ADCY2: variants seen among roughly 807,000 people sequenced by gnomAD.
The protein encoded by ADCY2 is adenylate cyclase 2, also known as adenylate cyclase type 2.
A neutral mutation model predicts 125.2 loss-of-function variants in ADCY2; 31 were observed. The ratio of observed to expected loss-of-function variants is 0.25; its 90% confidence interval spans 0.19 to 0.33. The LOEUF (loss-of-function observed/expected upper bound fraction) is 0.33. ADCY2 is among the 10% of genes least tolerant of loss of function. The pLI is 1.00. For missense variants in ADCY2, 904 were observed against 1,418.2 expected, an observed-to-expected ratio of 0.64 and a Z score of 5.82; for synonymous variants, 512 against 548.4, an observed-to-expected ratio of 0.93 and a Z score of 0.93.
At chr5:7,673,279 TATATATAA>T (rs1265772827) in intron 4 of ADCY2, among the ~76,000 whole-genome samples, 3 of 79,260 alleles carry the variant, frequency 3.8e-5, no homozygotes, top group East Asian at 5.8e-4. Flanking sequence ...AATATATATA[TATATATAA>T]AATTAGCCAG....
chr5:7,719,617 G>T (rs949102658), intron 12 of ADCY2, among the ~76,000 whole-genome samples: 1 of 152,142 alleles, frequency 6.6e-6, no homozygotes, highest in Admixed American at 6.5e-5. Flanking sequence ...GTTAAAAGAC[G>T]ACTGATGTCA....
intron 11 of ADCY2, among the ~76,000 whole-genome samples, chr5:7,713,270 C>T (rs1342356168): frequency 2.6e-5 from 4 of 151,950 alleles, no homozygotes; most frequent in Non-Finnish European, 5.9e-5. Flanking sequence ...GCGGGTGGAT[C>T]ACTTGAGATC....
At chr5:7,460,076 G>A (rs1413323794) in intron 2 of ADCY2, among the ~76,000 whole-genome samples, 2 of 151,824 alleles carry the variant, frequency 1.3e-5, no homozygotes, top group Non-Finnish European at 2.9e-5. Flanking sequence ...GTGAGCCACG[G>A]TGCCCAGCTG....
Position 7,789,536 on chromosome 5 carries a change from C to A in ADCY2, c.2470-106C>A, listed in dbSNP as rs922437171. ...AGGGTGGAAGTTCTGTTTGGGGGTT[C>A]TTTTTTCGGTTTCATTTTGTTCTTT... On this transcript the variant is annotated intron_variant, in intron 19 of 24. Transcript: ENST00000338316. 14 of 1,184,558 alleles carry A rather than the reference C, an allele frequency of 1.2e-5. No homozygotes were observed. In the African/African-American group the frequency reaches 1.9e-4, roughly 16 times the overall value. 73.4% of individuals were successfully genotyped at this position (1,184,558 alleles called of 1,614,324 possible). A position where few individuals can be genotyped will look rare whatever the true frequency, so the allele number is the denominator to read the frequency against.
At chr5:7,535,250 C>T (rs534409152) in intron 3 of ADCY2, among the ~76,000 whole-genome samples, 57 of 152,296 alleles carry the variant, frequency 3.7e-4, no homozygotes, top group African/African-American at 1.3e-3. Context: ...ACCATGTTGG[C>T]CAGGCTGGTC....
intron 1 of ADCY2, among the ~76,000 whole-genome samples, chr5:7,411,671 G>GA (rs941389366): frequency 2.0e-5 from 3 of 151,926 alleles, no homozygotes; most frequent in African/African-American, 7.3e-5. Context: ...AAAAGAGAGA[G>GA]AAAAAATAGA....
chr5:7,619,708 G>A (rs1043126034), intron 3 of ADCY2, among the ~76,000 whole-genome samples: 2 of 152,216 alleles, frequency 1.3e-5, no homozygotes, highest in African/African-American at 4.8e-5. Flanking sequence ...AGAATGAACA[G>A]AAGAGTAAAC....
At chr5:7,615,444 G>A (rs374889985) in intron 3 of ADCY2, among the ~76,000 whole-genome samples, 6 of 152,152 alleles carry the variant, frequency 3.9e-5, no homozygotes, top group African/African-American at 1.4e-4. Context: ...GGACTCATGG[G>A]GTATGTTAGA....
intron 3 of ADCY2, among the ~76,000 whole-genome samples, chr5:7,594,137 T>C (rs1253358447): frequency 1.3e-5 from 2 of 152,188 alleles, no homozygotes; most frequent in African/African-American, 4.8e-5. Flanking sequence ...TTTCATCCAA[T>C]CTGGCACTGG....
At chr5:7,529,271 A>G (rs1034981300) in intron 3 of ADCY2, among the ~76,000 whole-genome samples, 2 of 152,234 alleles carry the variant, frequency 1.3e-5, no homozygotes, top group African/African-American at 4.8e-5. Flanking sequence ...TAAGTGGGCC[A>G]GGTGCATAGT....
At chr5:7,512,210 G>A (rs772730214) in intron 2 of ADCY2, among the ~76,000 whole-genome samples, 12 of 32,870 alleles carry the variant, frequency 3.7e-4, no homozygotes, top group Admixed American at 9.1e-4. Flanking sequence ...AGTAGAGCAT[G>A]ACTCCATCAA....
At chr5:7,500,715 A>G (rs1743529318) in intron 2 of ADCY2, among the ~76,000 whole-genome samples, 1 of 152,214 alleles carries the variant, frequency 6.6e-6, no homozygotes, top group South Asian at 2.1e-4. Flanking sequence ...GATGATCCGG[A>G]AACATGAGGA....
intron 2 of ADCY2, among the ~76,000 whole-genome samples, chr5:7,454,057 TAAC>T (rs1034240283): frequency 2.3e-4 from 35 of 152,152 alleles, no homozygotes; most frequent in African/African-American, 8.2e-4. Context: ...GCGAGACAGT[TAAC>T]AACTGCCTGA....
chr5:7,718,318 T>G (rs1247119076), intron 12 of ADCY2, among the ~76,000 whole-genome samples: 8 of 151,704 alleles, frequency 5.3e-5, no homozygotes, highest in African/African-American at 1.9e-4. Context: ...CTAGCTAATT[T>G]TTTGTATTTT....
intron 2 of ADCY2, among the ~76,000 whole-genome samples, chr5:7,503,215 A>T (rs1743661547): frequency 1.3e-5 from 2 of 152,142 alleles, no homozygotes; most frequent in South Asian, 4.1e-4. Context: ...CTTGATTTCC[A>T]TGAATTCATG....
Position 7,557,201 on chromosome 5 carries a change from A to ATATATATATATATATATATG in ADCY2, c.570+36302_570+36303insTATATATATATATATATATG. ...CACATATTATATATGTGATATATAT[A>ATATATATATATATATATATG]ACTCAAGTGAGTGTATCTAAATGAC... On this transcript the variant is annotated intron_variant, in intron 3 of 24. Coordinates refer to ENST00000338316, the MANE Select transcript of ADCY2 (RefSeq NM_020546.3). 2.3e-4 allele frequency among the ~76,000 whole-genome samples: 32 copies of ATATATATATATATATATATG among 140,116 alleles called. 1 individual carries two copies. The highest frequency in any genetic ancestry group is 6.1e-4 in the African/African-American group (23 of 37,906). The allele number at this position is 140,116 out of a possible 152,430, so 91.9% of individuals were successfully genotyped here. A position where few individuals can be genotyped will look rare whatever the true frequency, so the allele number is the denominator to read the frequency against.
intron 2 of ADCY2, among the ~76,000 whole-genome samples, chr5:7,510,677 G>A (rs78389814): frequency 0.16 from 24,412 of 152,152 alleles, 2,097 homozygotes; most frequent in African/African-American, 0.2. Flanking sequence ...CACTCTGTCA[G>A]TGAACTGGGG....
intron 4 of ADCY2, among the ~76,000 whole-genome samples, chr5:7,660,238 GA>G (rs1739475925): frequency 1.1e-5 from 1 of 94,600 alleles, no homozygotes; most frequent in Non-Finnish European, 2.1e-5. Flanking sequence ...GAGGGAGGGA[GA>G]GAAGGAAGGA....
At chr5:7,633,965 C>T (rs1738407592) in intron 4 of ADCY2, among the ~76,000 whole-genome samples, 1 of 152,044 alleles carries the variant, frequency 6.6e-6, no homozygotes, top group African/African-American at 2.4e-5. Context: ...AAAATAAACC[C>T]AATAAAAAGC....
Sources: gnomAD v4.1 joint callset for allele counts (sites outside exome capture counted in the v4.1 genomes callset) on GRCh38, gnomAD v4.1.1 for gene constraint, MANE v1.5 for transcripts, NCBI Gene and HGNC (gene_info 2026-07-23, HGNC 2026-07-21) for gene names.